The following RB1 variants were observed in gnomAD, a reference collection of about 807,000 sequenced individuals.
The protein encoded by RB1 is retinoblastoma-associated protein.
Under a neutral mutation model 135.4 loss-of-function variants are expected in RB1, and 18 were observed. That is an observed-to-expected ratio of 0.13 (90% CI 0.09 to 0.20). The LOEUF (loss-of-function observed/expected upper bound fraction) is 0.20, where lower values mean the gene tolerates loss of function less well. Ranked by LOEUF, RB1 falls within the 10% of genes least tolerant of loss-of-function variation. The probability of loss-of-function intolerance (pLI) is 1.00; values close to 1 mark genes in which losing one functional copy is unlikely to be tolerated. For synonymous variants in RB1, 365 were observed against 373.2 expected, an observed-to-expected ratio of 0.98 and a Z score of 0.25; for missense variants, 868 against 1,110.0, an observed-to-expected ratio of 0.78 and a Z score of 3.10.
At chr13:48,349,691 C>A (rs1952530027) in intron 6 of RB1, among the ~76,000 whole-genome samples, 1 of 151,922 alleles carries the variant, frequency 6.6e-6, no homozygotes, top group South Asian at 2.1e-4. Context: ...TCCTTACTTA[C>A]CAATAATAAC....
chr13:48,375,178 G>C (rs1413738495), intron 12 of RB1, among the ~76,000 whole-genome samples: 1 of 152,062 alleles, frequency 6.6e-6, no homozygotes, highest in Non-Finnish European at 1.5e-5. Flanking sequence ...GTGAACATAT[G>C]AGTGCATGTG....
chr13:48,380,782 A>G (rs1362023990), intron 16 of RB1, among the ~76,000 whole-genome samples: 1 of 152,200 alleles, frequency 6.6e-6, no homozygotes, highest in East Asian at 1.9e-4. Flanking sequence ...GAAAAAGAGG[A>G]ACTTTTAGTT....
At chr13:48,433,566 C>A (rs1305039012) in intron 17 of RB1, among the ~76,000 whole-genome samples, 5 of 151,988 alleles carry the variant, frequency 3.3e-5, no homozygotes, top group African/African-American at 9.7e-5. Flanking sequence ...ATAGGATAGA[C>A]TGTATTTAAA....
At chr13:48,476,018 TAGC>T (rs1340938763) in intron 24 of RB1, among the ~76,000 whole-genome samples, 3 of 152,212 alleles carry the variant, frequency 2.0e-5, no homozygotes, top group Non-Finnish European at 4.4e-5. Flanking sequence ...ATACATTTAA[TAGC>T]AGCACGGGAT....
intron 6 of RB1, among the ~76,000 whole-genome samples, chr13:48,353,234 C>CA (rs1566189782): frequency 6.6e-6 from 1 of 151,494 alleles, no homozygotes; most frequent in African/African-American, 2.4e-5. Context: ...AGAGAAGATA[C>CA]AAATAAGATC....
At chr13:48,338,959 GTATCAGC>G (rs1952414101) in intron 2 of RB1, among the ~76,000 whole-genome samples, 1 of 152,188 alleles carries the variant, frequency 6.6e-6, no homozygotes, top group Admixed American at 6.5e-5. Flanking sequence ...GTTTGCCTGG[GTATCAGC>G]AGTGGAGGCT....
intron 11 of RB1, among the ~76,000 whole-genome samples, chr13:48,373,081 T>A (rs756691499): frequency 2.6e-5 from 4 of 152,230 alleles, no homozygotes; most frequent in Non-Finnish European, 4.4e-5. Flanking sequence ...TAATAATGTT[T>A]TCTTAAAACA....
chr13:48,395,383 C>T (rs1566204294), intron 17 of RB1, among the ~76,000 whole-genome samples: 1 of 151,898 alleles, frequency 6.6e-6, no homozygotes. Context: ...GGGAGTTTGA[C>T]GAATTGACAG....
In RB1 at chr13:48,379,602, A is replaced by T. The variant is rs2138140807; in HGVS notation, c.1341A>T (p.Lys447Asn). The T allele has an allele frequency of 6.2e-7, 1 of 1,612,732 alleles. No individual in the cohort carries two copies. The highest frequency in any genetic ancestry group is 1.8e-4 in the Middle Eastern group (1 of 5,560). The change falls in exon 14 of 27, where the codon AAA (lysine) becomes AAT (asparagine). Residue 447 changes from lysine (K) to asparagine (N), a missense_variant. This residue lies in a region of RB1 where 641 missense variants were observed against 791.3 expected (regional missense o/e 0.81). Coordinates refer to ENST00000267163, the MANE Select transcript of RB1 (RefSeq NM_000321.3). ...GCVEIGSQRY[K>N]LGVRLYYRVM... ...TTTTTGTTTGTTTGTAGCGATACAAACTTGGAGTTCGCTTGTATTACCGAG... is the reference window on the plus strand; with the variant it reads ...TTTTTGTTTGTTTGTAGCGATACAATCTTGGAGTTCGCTTGTATTACCGAG...
rs578054565 is a variant in RB1 at position 48,392,153 on chromosome 13, C to T, written c.1695+10710C>T. ...TGAGATGAAGCCTCGCTCTTTTGCCCAGGCTGGAGTGCAGTGGCATGATCC... is the reference window on the plus strand; with the variant it reads ...TGAGATGAAGCCTCGCTCTTTTGCCTAGGCTGGAGTGCAGTGGCATGATCC... On this transcript the variant is annotated intron_variant, in intron 17 of 26. Transcript: ENST00000267163. Among the ~76,000 whole-genome samples the T allele has an allele frequency of 1.9e-4, 29 of 151,964 alleles. 2 individuals carry two copies. The highest frequency in any genetic ancestry group is 7.0e-4 in the African/African-American group (29 of 41,398).
At chr13:48,425,652 A>G (rs777154270) in intron 17 of RB1, among the ~76,000 whole-genome samples, 2 of 152,120 alleles carry the variant, frequency 1.3e-5, no homozygotes, top group Non-Finnish European at 2.9e-5. Flanking sequence ...CAGGAATTCC[A>G]GTTTAGCCTG....
intron 17 of RB1, among the ~76,000 whole-genome samples, chr13:48,432,934 C>T (rs899670368): frequency 6.6e-6 from 1 of 152,134 alleles, no homozygotes; most frequent in South Asian, 2.1e-4. Context: ...TCAGTCTTTG[C>T]TATTATGCTT....
chr13:48,353,024 TAAAC>T (rs1188206008), intron 6 of RB1, among the ~76,000 whole-genome samples: 1 of 151,834 alleles, frequency 6.6e-6, no homozygotes, highest in Non-Finnish European at 1.5e-5. Flanking sequence ...AAAACTCAAA[TAAAC>T]AATCTAACAT....
intron 2 of RB1, among the ~76,000 whole-genome samples, chr13:48,339,526 G>A (rs763702649): frequency 5.9e-5 from 9 of 152,292 alleles, no homozygotes; most frequent in East Asian, 5.8e-4. Flanking sequence ...TTGGAAAAGC[G>A]CAGTATTAGG....
intron 2 of RB1, chr13:48,320,361 C>T: frequency 8.1e-7 from 1 of 1,240,796 alleles, no homozygotes; most frequent in South Asian, 1.2e-5. Flanking sequence ...ACACGCTCTC[C>T]ACCCCCTCGT....
rs527467763 is a variant in RB1, at chr13:48,410,056, T to G, written c.1695+28613T>G. Among the ~76,000 whole-genome samples the G allele has an allele frequency of 7.2e-5, 11 of 152,326 alleles. No homozygotes were observed. In the South Asian group the frequency reaches 2.3e-3, roughly 32 times the overall value. On this transcript the variant is annotated intron_variant, in intron 17 of 26. Transcript: ENST00000267163. ...TTACTTTATAATGTAAGGAACTGTGTCCTTAATTAATCATTTTGACGTACA... is the reference window on the plus strand; with the variant it reads ...TTACTTTATAATGTAAGGAACTGTGGCCTTAATTAATCATTTTGACGTACA...
At chr13:48,365,448 T>C (rs1425012701) in intron 9 of RB1, among the ~76,000 whole-genome samples, 1 of 152,242 alleles carries the variant, frequency 6.6e-6, no homozygotes, top group East Asian at 1.9e-4. Context: ...CTGTGACTAT[T>C]GCAGAAGTGT....
Position 48,477,476 on chromosome 13 carries a change from T to A in RB1, c.2713+72T>A, listed in dbSNP as rs958919017. 4.9e-6 allele frequency: 6 copies of A among 1,215,944 alleles called. No homozygotes were observed. The African/African-American group carries it at 9.0e-5, about 18-fold the overall frequency. 75.3% of individuals were successfully genotyped at this position (1,215,944 alleles called of 1,614,324 possible). ...CACTGCAAGAAGTCTTTTCGTTATA[T>A]AAAAGAATGTATAATTTCTTCAGTT... is the stretch of plus-strand genomic sequence containing the variant. On this transcript the variant is annotated intron_variant, in intron 26 of 26. Transcript: ENST00000267163.
intron 17 of RB1, among the ~76,000 whole-genome samples, chr13:48,405,676 G>T (rs914788693): frequency 6.6e-6 from 1 of 152,172 alleles, no homozygotes; most frequent in Non-Finnish European, 1.5e-5. Flanking sequence ...AAGAAAGTTT[G>T]TCAATACCCA....
Sources: allele counts gnomAD v4.1 joint callset (sites outside exome capture counted in the v4.1 genomes callset), GRCh38; gene constraint gnomAD v4.1.1; regional missense constraint gnomAD v4.1.1; transcripts MANE v1.5; gene names NCBI Gene and HGNC (gene_info 2026-07-23, HGNC 2026-07-21).